CDH18: variants seen among roughly 807,000 people sequenced by gnomAD.
CDH18 encodes the protein cadherin 18.
A neutral mutation model predicts 67.9 loss-of-function variants in CDH18; 31 were observed. The ratio of observed to expected loss-of-function variants is 0.46; its 90% CI spans 0.34 to 0.62. CDH18 has a LOEUF of 0.62. CDH18 is among the 20% of genes least tolerant of loss of function. CDH18 has a pLI of 0.01. For missense variants in CDH18, 890 were observed against 975.5 expected (o/e 0.91, Z 1.17); for synonymous variants, 362 against 347.2 (o/e 1.04, Z -0.48).
intron 1 of CDH18, among the ~76,000 whole-genome samples, chr5:20,401,240 T>C (rs576133758): frequency 1.3e-5 from 2 of 152,338 alleles, no homozygotes; most frequent in African/African-American, 2.4e-5. Flanking sequence ...ATATTTATAC[T>C]TATGCTTAAG....
intron 5 of CDH18, among the ~76,000 whole-genome samples, chr5:19,639,071 C>G (rs542235196): frequency 8.1e-4 from 112 of 138,102 alleles, no homozygotes; most frequent in Non-Finnish European, 1.5e-3. Flanking sequence ...GGCGCGATCT[C>G]GGCTCACTGC....
chr5:20,533,352 A>T (rs1244640461), intron 1 of CDH18, among the ~76,000 whole-genome samples: 1 of 152,114 alleles, frequency 6.6e-6, no homozygotes, highest in Admixed American at 6.6e-5. Context: ...GGATTATGAT[A>T]GCCCTGGCAA....
At chr5:20,471,557 T>C (rs1017483370) in intron 1 of CDH18, among the ~76,000 whole-genome samples, 1 of 151,928 alleles carries the variant, frequency 6.6e-6, no homozygotes, top group Non-Finnish European at 1.5e-5. Context: ...ATCCCAGCAC[T>C]TTGGGAGGCC....
chr5:19,576,923 A>G (rs906890269), intron 7 of CDH18, among the ~76,000 whole-genome samples: 13 of 152,248 alleles, frequency 8.5e-5, no homozygotes, highest in Admixed American at 3.3e-4. Context: ...ACTTAAAAAA[A>G]GATTCTGTCA....
intron 2 of CDH18, among the ~76,000 whole-genome samples, chr5:19,956,243 A>T (rs1052987623): frequency 1.3e-5 from 2 of 152,008 alleles, no homozygotes; most frequent in Non-Finnish European, 2.9e-5. Flanking sequence ...CTAAATTGAA[A>T]TTAACCTTGG....
intron 2 of CDH18, among the ~76,000 whole-genome samples, chr5:20,028,760 G>A (rs186566929): frequency 1.9e-4 from 29 of 152,196 alleles, no homozygotes; most frequent in Non-Finnish European, 3.8e-4. Flanking sequence ...ATTTCATCAC[G>A]CTACTCAGAA....
At chr5:20,124,211 G>A (rs1229544659) in intron 2 of CDH18, among the ~76,000 whole-genome samples, 1 of 152,148 alleles carries the variant, frequency 6.6e-6, no homozygotes, top group Non-Finnish European at 1.5e-5. Flanking sequence ...TGTTTTGGGG[G>A]AGGGAACATC....
chr5:20,150,408 G>T (rs980869364), intron 2 of CDH18, among the ~76,000 whole-genome samples: 10 of 152,126 alleles, frequency 6.6e-5, no homozygotes, highest in Middle Eastern at 3.4e-3. Flanking sequence ...GAAGCTTGTT[G>T]CTTAAAAAGT....
At chr5:20,565,023 T>C (rs2126656314) in intron 1 of CDH18, among the ~76,000 whole-genome samples, 1 of 152,332 alleles carries the variant, frequency 6.6e-6, no homozygotes, top group Middle Eastern at 3.4e-3. Context: ...GTGAGTACAT[T>C]TTAAAAATTG....
intron 5 of CDH18, among the ~76,000 whole-genome samples, chr5:19,718,108 GA>G (rs1240354299): frequency 6.6e-5 from 10 of 151,798 alleles, no homozygotes; most frequent in African/African-American, 2.2e-4. Context: ...TCATTTTCTG[GA>G]TACAGCTACT....
intron 1 of CDH18, among the ~76,000 whole-genome samples, chr5:20,547,204 G>A (rs1450447084): frequency 6.6e-6 from 1 of 152,070 alleles, no homozygotes; most frequent in Non-Finnish European, 1.5e-5. Flanking sequence ...GGAAAACAGT[G>A]ATATATAAAG....
chr5:19,639,774 A>G (rs2150219746), intron 5 of CDH18, among the ~76,000 whole-genome samples: 1 of 152,354 alleles, frequency 6.6e-6, no homozygotes, highest in African/African-American at 2.4e-5. Flanking sequence ...ATGCTGACAT[A>G]TCACATCCTA....
chr5:20,526,409 G>A (rs1370722039), intron 1 of CDH18, among the ~76,000 whole-genome samples: 8 of 152,092 alleles, frequency 5.3e-5, no homozygotes, highest in African/African-American at 1.2e-4. Context: ...CTGCTAAGGA[G>A]CAGCCAGACT....
chr5:19,909,865 C>A (rs978368078), intron 2 of CDH18, among the ~76,000 whole-genome samples: 5 of 152,074 alleles, frequency 3.3e-5, no homozygotes, highest in African/African-American at 1.2e-4. Context: ...ATTACTGGTG[C>A]TTTCCTTTAT....
chr5:20,048,343 T>C (rs1741088712), intron 2 of CDH18, among the ~76,000 whole-genome samples: 1 of 151,642 alleles, frequency 6.6e-6, no homozygotes, highest in Admixed American at 6.6e-5. Context: ...AGCTTCCTAA[T>C]ACATCTAGTT....
intron 2 of CDH18, among the ~76,000 whole-genome samples, chr5:19,848,397 T>C (rs1207173571): frequency 6.6e-6 from 1 of 152,082 alleles, no homozygotes; most frequent in Non-Finnish European, 1.5e-5. Context: ...CACTTTCCTA[T>C]CAGCTTAGAT....
intron 2 of CDH18, among the ~76,000 whole-genome samples, chr5:19,912,080 C>T (rs890661921): frequency 1.3e-5 from 2 of 151,704 alleles, no homozygotes; most frequent in Non-Finnish European, 1.5e-5. Context: ...TGGGAGTCAT[C>T]GATTCCAGGT....
intron 2 of CDH18, among the ~76,000 whole-genome samples, chr5:19,996,431 A>G (rs1026552651): frequency 2.0e-5 from 3 of 152,072 alleles, no homozygotes; most frequent in Admixed American, 6.6e-5. Context: ...ACAGTTTATA[A>G]ATCTTTCCTG....
At chr5:20,057,768 A>C (rs1433565794) in intron 2 of CDH18, among the ~76,000 whole-genome samples, 1 of 152,116 alleles carries the variant, frequency 6.6e-6, no homozygotes, top group Non-Finnish European at 1.5e-5. Context: ...TTGTTTCAGC[A>C]ATTCTGGGTA....
Sources: gnomAD v4.1 joint callset for allele counts (sites outside exome capture counted in the v4.1 genomes callset) on GRCh38, gnomAD v4.1.1 for gene constraint, MANE v1.5 for transcripts, NCBI Gene and HGNC (gene_info 2026-07-23, HGNC 2026-07-21) for gene names.